TNR: variants seen among roughly 807,000 people sequenced by gnomAD.
TNR encodes tenascin-R.
TNR carries 45 observed loss-of-function variants against 150.4 expected under a neutral mutation model. The observed-to-expected ratio is 0.30, with a 90% confidence interval of 0.24 to 0.38. The LOEUF is 0.38. TNR is among the 10% of genes least tolerant of loss of function. TNR has a pLI of 1.00. For missense variants in TNR, 1,544 were observed against 1,759.1 expected, an observed-to-expected ratio of 0.88 and a Z score of 2.19; for synonymous variants, 687 against 678.4, an observed-to-expected ratio of 1.01 and a Z score of -0.20.
chr1:175,503,792 G>A (rs1456507216), intron 2 of TNR, among the ~76,000 whole-genome samples: 1 of 152,236 alleles, frequency 6.6e-6, no homozygotes, highest in African/African-American at 2.4e-5. Context: ...ATCCTGGGAG[G>A]AGGGAGGAGA....
At position 175,638,474 on chromosome 1, in the gene TNR, G is replaced by T. The variant is rs150228483; in HGVS notation, c.-165+104752C>A. ...ATGGCTTCGCGGTAAGTGGGCACTC[G>T]TGCATATGGCTTCAGGCCGGGTCTC... On this transcript the variant is annotated intron_variant, in intron 1 of 22. Coordinates refer to ENST00000367674, the MANE Select transcript of TNR (RefSeq NM_003285.3). 4.3e-3 allele frequency among the ~76,000 whole-genome samples: 648 copies of T among 152,272 alleles called. 4 individuals carry two copies. The highest frequency in any genetic ancestry group is 0.015 in the African/African-American group (614 of 41,536).
intron 1 of TNR, among the ~76,000 whole-genome samples, chr1:175,544,388 C>T (rs1018587340): frequency 3.9e-5 from 6 of 152,174 alleles, no homozygotes; most frequent in African/African-American, 1.4e-4. Flanking sequence ...TTATAGTTGA[C>T]TCACTGGACG....
intron 1 of TNR, among the ~76,000 whole-genome samples, chr1:175,739,551 C>G (rs1558099423): frequency 6.6e-6 from 1 of 152,082 alleles, no homozygotes; most frequent in East Asian, 1.9e-4. Flanking sequence ...AGTTACCAAA[C>G]CTTCTGATAA....
chr1:175,472,995 A>G (rs1381693629), intron 2 of TNR, among the ~76,000 whole-genome samples: 2 of 152,208 alleles, frequency 1.3e-5, no homozygotes, highest in Non-Finnish European at 1.5e-5. Context: ...TTTGGAGCAG[A>G]GGTATTGAAT....
At position 175,629,434 on chromosome 1, in the gene TNR, C is replaced by T. The variant is rs560477333; in HGVS notation, c.-164-101065G>A. 4.7e-4 allele frequency among the ~76,000 whole-genome samples: 71 copies of T among 152,228 alleles called. No homozygotes were observed. In the South Asian group the frequency reaches 0.014, roughly 30 times the overall value. On this transcript the variant is annotated intron_variant, in intron 1 of 22. Coordinates refer to ENST00000367674, the MANE Select transcript of TNR (RefSeq NM_003285.3). Reference sequence around the variant, plus strand: ...TGCAGAAATGTGGAGGGCAGGCCTGCAGAGACTGGAATGCAATTAAACAGC... The same window carrying T: ...TGCAGAAATGTGGAGGGCAGGCCTGTAGAGACTGGAATGCAATTAAACAGC...
At chr1:175,696,229 T>TGTTGTTG (rs1558077881) in intron 1 of TNR, among the ~76,000 whole-genome samples, 42 of 121,728 alleles carry the variant, frequency 3.5e-4, no homozygotes, top group African/African-American at 1.2e-3. Context: ...TTTTTTTTTT[T>TGTTGTTG]TTTTTTTTTT....
chr1:175,393,013 G>A (rs1181659432), intron 6 of TNR, among the ~76,000 whole-genome samples: 1 of 152,178 alleles, frequency 6.6e-6, no homozygotes, highest in East Asian at 1.9e-4. Context: ...GTTCTTTGAT[G>A]TTGAAGAATA....
chr1:175,692,344 G>C (rs138821535), intron 1 of TNR, among the ~76,000 whole-genome samples: 1 of 152,202 alleles, frequency 6.6e-6, no homozygotes, highest in Non-Finnish European at 1.5e-5. Flanking sequence ...TGGACCTCCA[G>C]AGAGGAGGCA....
intron 1 of TNR, among the ~76,000 whole-genome samples, chr1:175,725,158 G>A (rs988659259): frequency 2.0e-5 from 3 of 152,140 alleles, no homozygotes; most frequent in African/African-American, 7.2e-5. Context: ...TTGGAAAAAA[G>A]CAACAGGCCC....
rs1008692726 is a variant in TNR at position 175,571,803 on chromosome 1, T to C, written c.-164-43434A>G. ...TTGAAATCTAATGTCAATGCCACTT[T>C]ACTTGTGTCTTCAGAGGCCAAGTTC... On this transcript the variant is annotated intron_variant, in intron 1 of 22. Coordinates refer to ENST00000367674, the MANE Select transcript of TNR (RefSeq NM_003285.3). 5.9e-5 allele frequency among the ~76,000 whole-genome samples: 9 copies of C among 152,326 alleles called. 1 individual carries two copies. The South Asian group carries it at 1.0e-3, about 18-fold the overall frequency.
intron 9 of TNR, among the ~76,000 whole-genome samples, chr1:175,369,963 G>A (rs1358024147): frequency 6.6e-6 from 1 of 152,146 alleles, no homozygotes; most frequent in African/African-American, 2.4e-5. Context: ...ATGCAGTCCC[G>A]AAGCCCTGTC....
At chr1:175,546,217 C>A (rs1031797782) in intron 1 of TNR, among the ~76,000 whole-genome samples, 14 of 152,162 alleles carry the variant, frequency 9.2e-5, no homozygotes, top group African/African-American at 3.4e-4. Context: ...ATGTGCCCAG[C>A]ACTGCATCAG....
At chr1:175,331,047 T>TTCTTTCTG (rs1649775408) in intron 20 of TNR, among the ~76,000 whole-genome samples, 6 of 91,082 alleles carry the variant, frequency 6.6e-5, no homozygotes, top group African/African-American at 2.1e-4. Flanking sequence ...CTTTCTTTCT[T>TTCTTTCTG]TCTTTCTTTC....
intron 2 of TNR, among the ~76,000 whole-genome samples, chr1:175,469,312 C>A (rs899086497): frequency 3.9e-5 from 6 of 152,144 alleles, no homozygotes; most frequent in African/African-American, 1.4e-4. Flanking sequence ...GAAATTATAA[C>A]ACAGGCTAAG....
At chr1:175,373,786 TC>T (rs1242263085) in intron 9 of TNR, among the ~76,000 whole-genome samples, 2 of 152,148 alleles carry the variant, frequency 1.3e-5, no homozygotes, top group East Asian at 3.9e-4. Flanking sequence ...ACCTGGCTTT[TC>T]CCCCAGCCCC....
In TNR at chr1:175,321,580, G is replaced by A. The variant is rs1401735631; in HGVS notation, c.*1777C>T. The A allele has an allele frequency of 1.3e-5, 2 of 152,526 alleles. No homozygotes were observed. Among genetic ancestry groups the A allele is most frequent in the Non-Finnish European group, 2.9e-5 (2 of 68,120 alleles). 9.4% of individuals were successfully genotyped at this position (152,526 alleles called of 1,614,324 possible). A position where few individuals can be genotyped will look rare whatever the true frequency, so the allele number is the denominator to read the frequency against. The stretch of plus-strand genomic sequence containing the variant: ...AGGGAACTGGGCATGGATCTGGGCA[G>A]ATGTTGCGGGGATGGTTGCTGATAT... On this transcript the variant is annotated 3_prime_UTR_variant, in exon 23 of 23. Coordinates refer to ENST00000367674, the MANE Select transcript of TNR (RefSeq NM_003285.3).
intron 14 of TNR, among the ~76,000 whole-genome samples, chr1:175,360,667 C>T (rs1168784216): frequency 2.6e-5 from 4 of 152,132 alleles, no homozygotes; most frequent in African/African-American, 7.2e-5. Flanking sequence ...GTATTTTTTT[C>T]ACTTGCCTAT....
chr1:175,737,689 C>T (rs563642952), intron 1 of TNR, among the ~76,000 whole-genome samples: 1 of 152,322 alleles, frequency 6.6e-6, no homozygotes, highest in South Asian at 2.1e-4. Flanking sequence ...ACAACTTCCT[C>T]CTGGGTCCTG....
rs777770358 is a variant in TNR, at chr1:175,489,359, C to T, written c.-64+38910G>A. Among the ~76,000 whole-genome samples the T allele has an allele frequency of 2.5e-4, 38 of 152,170 alleles. 1 individual carries two copies. The highest frequency in any genetic ancestry group is 8.3e-4 in the South Asian group (4 of 4,828). ...CCACTCCACAGATGGAGGTTAGATA[C>T]GGTCATAGCTGCCATCCTCGATGGG... On this transcript the variant is annotated intron_variant, in intron 2 of 22. Coordinates refer to ENST00000367674, the MANE Select transcript of TNR (RefSeq NM_003285.3).
Sources: gnomAD v4.1 joint callset for allele counts (sites outside exome capture counted in the v4.1 genomes callset) on GRCh38, gnomAD v4.1.1 for gene constraint, MANE v1.5 for transcripts, NCBI Gene and HGNC (gene_info 2026-07-23, HGNC 2026-07-21) for gene names.